CPEB4: variants seen among roughly 807,000 people sequenced by gnomAD.
CPEB4 encodes cytoplasmic polyadenylation element-binding protein 4.
A neutral mutation model predicts 72.5 loss-of-function variants in CPEB4; 12 were observed. The observed-to-expected ratio is 0.17, with a 90% CI of 0.11 to 0.27. CPEB4 has a LOEUF of 0.27. CPEB4 is among the 10% of genes least tolerant of loss of function. CPEB4 has a pLI of 1.00. For synonymous variants in CPEB4, 302 were observed against 326.3 expected (o/e 0.93, Z 0.80); for missense variants, 614 against 908.5 (o/e 0.68, Z 4.17).
chr5:173,903,257 G>A (rs1411254463), intron 1 of CPEB4, among the ~76,000 whole-genome samples: 1 of 152,158 alleles, frequency 6.6e-6, no homozygotes, highest in Non-Finnish European at 1.5e-5. Flanking sequence ...CAAAGGTATG[G>A]ACCTTAGAAC....
Position 173,956,418 on chromosome 5 carries a change from T to G in CPEB4, c.*281T>G, listed in dbSNP as rs187552600. The G allele has an allele frequency of 3.0e-5, 10 of 337,722 alleles. No homozygotes were observed. The highest frequency in any genetic ancestry group is 5.4e-5 in the Non-Finnish European group (10 of 185,790). The allele number at this position is 337,722 out of a possible 1,614,324, so 20.9% of individuals were successfully genotyped here. A position where few individuals can be genotyped will look rare whatever the true frequency, so the allele number is the denominator to read the frequency against. On this transcript the variant is annotated 3_prime_UTR_variant, in exon 10 of 10. Transcript: ENST00000265085. ...GAGGATCCAAACTTCCTGCAACATT[T>G]TCTTAGAGGAGAGAGAGAAATATTA...
At chr5:173,926,694 C>G (rs4868336) in intron 2 of CPEB4, among the ~76,000 whole-genome samples, 1 of 152,206 alleles carries the variant, frequency 6.6e-6, no homozygotes, top group Non-Finnish European at 1.5e-5. Context: ...GGCTGCTGAC[C>G]AGGCAGTATT....
At position 173,950,324 on chromosome 5, in the gene CPEB4, G is replaced by C. The variant is rs1463286912; in HGVS notation, c.1665+246G>C. 4.6e-5 allele frequency among the ~76,000 whole-genome samples: 7 copies of C among 152,194 alleles called. No individual in the cohort carries two copies. The highest frequency in any genetic ancestry group is 1.7e-4 in the African/African-American group (7 of 41,446). On this transcript the variant is annotated intron_variant, in intron 7 of 9. Coordinates refer to ENST00000265085, the MANE Select transcript of CPEB4 (RefSeq NM_030627.4). This position sits in a 1 kb window ranked among gnomAD's most constrained non-coding sequence, Gnocchi z 5.0. The stretch of plus-strand genomic sequence containing the variant: ...ATCTTTATTTTTAAAAGATTTCACG[G>C]CTGGGCATGGTGGCTCACACCTGTA...
intron 1 of CPEB4, among the ~76,000 whole-genome samples, 176 bp downstream of exon 1, chr5:173,891,034 G>A (rs1755794028): frequency 6.6e-6 from 1 of 152,012 alleles, no homozygotes; most frequent in South Asian, 2.1e-4. Flanking sequence ...ATATTCAGCT[G>A]TTTCTTTGGC....
rs147789850 is a variant in CPEB4 at position 173,956,259 on chromosome 5, A to G, written c.*122A>G. The G allele has an allele frequency of 7.4e-3, 5,192 of 699,258 alleles. 35 individuals carry two copies. Among genetic ancestry groups the G allele is most frequent in the Non-Finnish European group, 8.9e-3 (3,625 of 409,386 alleles). 43.3% of individuals were successfully genotyped at this position (699,258 alleles called of 1,614,324 possible). ...TTGTAGCAGTCTGTAACTTAACTAT[A>G]GTATAATGAAAAGAATGACCTATAA... On this transcript the variant is annotated 3_prime_UTR_variant, in exon 10 of 10. Coordinates refer to ENST00000265085, the MANE Select transcript of CPEB4 (RefSeq NM_030627.4).
chr5:173,954,573 G>A (rs1452283289), intron 9 of CPEB4, among the ~76,000 whole-genome samples: 4 of 152,084 alleles, frequency 2.6e-5, no homozygotes, highest in African/African-American at 4.8e-5. Context: ...GGGTTTCACC[G>A]TGTTGGTCAG....
At position 173,900,933 on chromosome 5, in the gene CPEB4, C is replaced by T. The variant is rs117235603; in HGVS notation, c.1126-9590C>T. 1.3e-3 allele frequency among the ~76,000 whole-genome samples: 199 copies of T among 152,228 alleles called. 4 individuals are homozygous for T. In the East Asian group the frequency reaches 0.035, roughly 26 times the overall value. Reference sequence around the variant, plus strand: ...TTAAGGTTCAATGATATTGCAGCATCAAGATCACTTGCTTAGTATGTTTGA... The same window carrying T: ...TTAAGGTTCAATGATATTGCAGCATTAAGATCACTTGCTTAGTATGTTTGA... On this transcript the variant is annotated intron_variant, in intron 1 of 9. Transcript: ENST00000265085. This position sits in a 1 kb window ranked among gnomAD's most constrained non-coding sequence, Gnocchi z 4.4.
chr5:173,959,907 C>A lies in CPEB4; in HGVS notation c.*3770C>A, dbSNP rs1474622641. The A allele has an allele frequency of 1.3e-5, 2 of 152,432 alleles. No homozygotes were observed. The highest frequency in any genetic ancestry group is 2.9e-5 in the Non-Finnish European group (2 of 67,934). 9.4% of individuals were successfully genotyped at this position (152,432 alleles called of 1,614,324 possible). A position where few individuals can be genotyped will look rare whatever the true frequency, so the allele number is the denominator to read the frequency against. ...TATTTTTTGGAAGTGAAACTTTTAGCAAGTGGGTGTCTAGTTTTTACTAAT... is the reference window on the plus strand; with the variant it reads ...TATTTTTTGGAAGTGAAACTTTTAGAAAGTGGGTGTCTAGTTTTTACTAAT... On this transcript the variant is annotated 3_prime_UTR_variant, in exon 10 of 10. Coordinates refer to ENST00000265085, the MANE Select transcript of CPEB4 (RefSeq NM_030627.4).
chr5:173,922,405 A>G (rs1757104428), intron 2 of CPEB4, among the ~76,000 whole-genome samples: 1 of 151,684 alleles, frequency 6.6e-6, no homozygotes, highest in Non-Finnish European at 1.5e-5. Context: ...TAATTTCTGT[A>G]TTTTTTGCAG....
chr5:173,955,329 T>A lies in CPEB4; in HGVS notation c.1963-581T>A, dbSNP rs957749701. Among the ~76,000 whole-genome samples, 3 of 151,786 alleles carry A rather than the reference T, an allele frequency of 2.0e-5. No homozygotes were observed. Among genetic ancestry groups the A allele is most frequent in the African/African-American group, 7.3e-5 (3 of 41,320 alleles). Reference sequence around the variant, plus strand: ...GCAGGGTTTTAGACTGTGAATCCTATGGCTGCATCTTTTTTTTTTTTTTTA... The same window carrying A: ...GCAGGGTTTTAGACTGTGAATCCTAAGGCTGCATCTTTTTTTTTTTTTTTA... On this transcript the variant is annotated intron_variant, in intron 9 of 9. Coordinates refer to ENST00000265085, the MANE Select transcript of CPEB4 (RefSeq NM_030627.4). This position sits in a 1 kb window ranked among gnomAD's most constrained non-coding sequence, Gnocchi z 4.7.
chr5:173,940,672 AAAT>A (rs1757806962), intron 3 of CPEB4, among the ~76,000 whole-genome samples: 1 of 152,216 alleles, frequency 6.6e-6, no homozygotes, highest in African/African-American at 2.4e-5. Flanking sequence ...TTTACATGAA[AAAT>A]AATGTATAAG....
chr5:173,949,229 A>G (rs1758135563), intron 5 of CPEB4, among the ~76,000 whole-genome samples: 1 of 152,224 alleles, frequency 6.6e-6, no homozygotes, highest in African/African-American at 2.4e-5. Context: ...GTTTGGGATT[A>G]CAGGGCACCA....
chr5:173,938,619 G>A (rs2113257655), intron 3 of CPEB4, among the ~76,000 whole-genome samples: 1 of 152,198 alleles, frequency 6.6e-6, no homozygotes, highest in Non-Finnish European at 1.5e-5. Flanking sequence ...TCACCTTGGG[G>A]CAGAGAGAGG....
At chr5:173,927,965 C>T (rs965875006) in intron 2 of CPEB4, among the ~76,000 whole-genome samples, 6 of 152,082 alleles carry the variant, frequency 3.9e-5, no homozygotes, top group African/African-American at 1.4e-4. Flanking sequence ...TATTATTAAG[C>T]ACTAAAAAGA....
chr5:173,927,035 C>T (rs1330605843), intron 2 of CPEB4, among the ~76,000 whole-genome samples: 48 of 152,114 alleles, frequency 3.2e-4, no homozygotes, highest in Admixed American at 3.1e-3. Flanking sequence ...CCAGTAATCC[C>T]AGCTACTCGG....
intron 1 of CPEB4, among the ~76,000 whole-genome samples, chr5:173,901,986 T>C (rs1304887299): frequency 3.9e-5 from 6 of 152,176 alleles, no homozygotes; most frequent in Admixed American, 2.0e-4. Context: ...ATTTGCTGCC[T>C]GTGTAGGGAT....
chr5:173,913,286 C>T (rs1756734770), intron 2 of CPEB4, among the ~76,000 whole-genome samples: 1 of 151,944 alleles, frequency 6.6e-6, no homozygotes, highest in African/African-American at 2.4e-5. Context: ...CAACCTTTGC[C>T]TCCTGGGTTC....
rs1179224009 is a variant in CPEB4, at chr5:173,955,413, G to A, written c.1963-497G>A. Among the ~76,000 whole-genome samples the A allele has an allele frequency of 6.6e-6, 1 of 151,284 alleles. No individual in the cohort carries two copies. ...TGTGTACACTATAAATAGAAACCAC[G>A]AGCCAGGCTTTTTACGACAGCTCAG... On this transcript the variant is annotated intron_variant, in intron 9 of 9. Coordinates refer to ENST00000265085, the MANE Select transcript of CPEB4 (RefSeq NM_030627.4). The surrounding 1 kb of genome is among the most constrained non-coding windows in gnomAD (Gnocchi z 4.7).
Position 173,949,588 on chromosome 5 carries a change from C to A in CPEB4, c.1537C>A (p.Pro513Thr). The change falls in exon 6 of 10, where the codon CCT (proline) becomes ACT (threonine). Residue 513 changes from proline to threonine, a missense_variant. Transcript: ENST00000265085. ...PHKAESKSYFPPKGYAFLLFQ... is the reference protein window; with the variant it reads ...PHKAESKSYFTPKGYAFLLFQ... ...TAAAGCTGAGAGCAAATCCTATTTT[C>A]CTCCTAAAGGTAATTCTCAAGATTC... 6.2e-7 allele frequency: 1 copy of A among 1,608,650 alleles called. No individual in the cohort carries two copies. The highest frequency in any genetic ancestry group is 8.5e-7 in the Non-Finnish European group (1 of 1,175,608).
Sources: gnomAD v4.1 joint callset for allele counts (sites outside exome capture counted in the v4.1 genomes callset) on GRCh38, gnomAD v4.1.1 for gene constraint, Gnocchi (gnomAD v3.1) non-coding constraint, MANE v1.5 for transcripts, NCBI Gene and HGNC (gene_info 2026-07-23, HGNC 2026-07-21) for gene names.